The following KLHL36 variants were observed in gnomAD, a reference collection of about 807,000 sequenced individuals.
KLHL36 encodes kelch like family member 36, also known as kelch-like protein 36.
A neutral mutation model predicts 53.3 loss-of-function variants in KLHL36; 35 were observed. That is an observed-to-expected ratio of 0.66 (90% CI 0.50 to 0.87). The LOEUF is 0.87. KLHL36 is among the 40% of genes least tolerant of loss of function. The pLI, the probability that KLHL36 is intolerant of heterozygous loss-of-function variation, is 0.00. For missense variants in KLHL36, 864 were observed against 897.6 expected, an observed-to-expected ratio of 0.96 and a Z score of 0.48; for synonymous variants, 472 against 398.9, an observed-to-expected ratio of 1.18 and a Z score of -2.18.
At chr16:84,655,940 T>G (rs1907175140) in intron 2 of KLHL36, among the ~76,000 whole-genome samples, 1 of 151,200 alleles carries the variant, frequency 6.6e-6, no homozygotes. Context: ...TCGTCCAGGC[T>G]GGAGTGCAGT....
Position 84,648,837 on chromosome 16 carries a change from C to T in KLHL36, c.-17+188C>T, listed in dbSNP as rs536612089. On this transcript the variant is annotated intron_variant, in intron 1 of 4. Coordinates refer to ENST00000564996, the MANE Select transcript of KLHL36 (RefSeq NM_024731.4). This position sits in a 1 kb window ranked among gnomAD's most constrained non-coding sequence, Gnocchi z 4.9. The stretch of plus-strand genomic sequence containing the variant: ...CCGCGGCCGGGGGAGGGGCCGCCGC[C>T]CCCGCAGGTGACACAGGTGCGGCCT... The T allele has an allele frequency of 2.8e-4, 42 of 150,906 alleles. No individual in the cohort carries two copies. Among genetic ancestry groups the T allele is most frequent in the African/African-American group, 9.4e-4 (39 of 41,364 alleles). The allele number at this position is 150,906 out of a possible 1,614,324, so 9.3% of individuals were successfully genotyped here. A position where few individuals can be genotyped will look rare whatever the true frequency, so the allele number is the denominator to read the frequency against.
intron 2 of KLHL36, among the ~76,000 whole-genome samples, chr16:84,655,116 C>T (rs752108575): frequency 2.6e-5 from 4 of 152,182 alleles, no homozygotes; most frequent in Admixed American, 1.3e-4. Flanking sequence ...AATGGAAGAG[C>T]GGGAGAGCCC....
intron 2 of KLHL36, among the ~76,000 whole-genome samples, chr16:84,654,474 C>G (rs1026040849): frequency 3.3e-5 from 5 of 152,204 alleles, no homozygotes; most frequent in African/African-American, 1.2e-4. Context: ...GTAGTGAGAC[C>G]CCATTTCTAC....
In KLHL36 at chr16:84,661,976, T is replaced by A. The variant is rs1270212432; in HGVS notation, c.1694T>A (p.Val565Glu). 1.3e-6 allele frequency: 2 copies of A among 1,598,916 alleles called. No homozygotes were observed. The highest frequency in any genetic ancestry group is 3.5e-5 in the Admixed American group (2 of 56,760). ...GAGAACACTGCCTTCTCCAAGACCG[T>A]GCAGGTGTACGACCGCGAGGCCGAC... ...SWENTAFSKT[V>E]QVYDREADKW... Residue 565 changes from valine to glutamate, a missense_variant, in exon 5 of 5, where the codon GTG (valine) becomes GAG (glutamate). By Grantham distance (121) the Val-to-Glu change is moderately radical (BLOSUM62 -2). Coordinates refer to ENST00000564996, the MANE Select transcript of KLHL36 (RefSeq NM_024731.4). The surrounding 1 kb of genome is among the most constrained non-coding windows in gnomAD (Gnocchi z 7.9).
intron 3 of KLHL36, 72 bp from the exon 4 acceptor site, chr16:84,659,688 G>A: frequency 2.0e-6 from 3 of 1,487,938 alleles, no homozygotes; most frequent in South Asian, 2.4e-5. Flanking sequence ...ACACATTTGG[G>A]AACCGCAGCG....
In KLHL36 at chr16:84,661,987, G is replaced by C; in HGVS notation, c.1705G>C (p.Asp569His). The C allele has an allele frequency of 6.3e-7, 1 of 1,596,232 alleles. No homozygotes were observed. Among genetic ancestry groups the C allele is most frequent in the Non-Finnish European group, 8.5e-7 (1 of 1,172,870 alleles). The change falls in exon 5 of 5, where the codon GAC (aspartate) becomes CAC (histidine). Residue 569 changes from aspartate (D) to histidine (H), a missense_variant. Coordinates refer to ENST00000564996, the MANE Select transcript of KLHL36 (RefSeq NM_024731.4). This position sits in a 1 kb window ranked among gnomAD's most constrained non-coding sequence, Gnocchi z 7.9. ...TAFSKTVQVY[D>H]READKWSRGV... is the part of the protein sequence containing the mutation. ...CTTCTCCAAGACCGTGCAGGTGTAC[G>C]ACCGCGAGGCCGACAAGTGGAGCAG... is the stretch of plus-strand genomic sequence containing the variant.
rs1342452316 is a variant in KLHL36 at position 84,661,727 on chromosome 16, C to T, written c.1445C>T (p.Ala482Val). Residue 482 changes from alanine (A) to valine (V), a missense_variant, in exon 5 of 5, where the codon GCG becomes GTG. Physicochemically the swap from Ala to Val is moderately conservative, Grantham distance 64. Transcript: ENST00000564996. The surrounding 1 kb of genome is among the most constrained non-coding windows in gnomAD (Gnocchi z 7.9). ...GAGGAGCGGCGGCCCATGACCACGG[C>T]GCGCGGCTGGCACAGCATGTGCAGC... ...VWEERRPMTT[A>V]RGWHSMCSLG... The T allele has an allele frequency of 1.9e-6, 3 of 1,613,268 alleles. No homozygotes were observed. Among genetic ancestry groups the T allele is most frequent in the Non-Finnish European group, 2.5e-6 (3 of 1,179,950 alleles).
At chr16:84,650,506 G>C (rs1906799306) in intron 1 of KLHL36, among the ~76,000 whole-genome samples, 1 of 152,152 alleles carries the variant, frequency 6.6e-6, no homozygotes, top group Non-Finnish European at 1.5e-5. Context: ...GCACACTTAA[G>C]TCACTTAGCT....
In KLHL36 at chr16:84,665,689, G is replaced by A. The variant is rs1268086306; in HGVS notation, c.*3556G>A. On this transcript the variant is annotated 3_prime_UTR_variant, in exon 5 of 5. Coordinates refer to ENST00000564996, the MANE Select transcript of KLHL36 (RefSeq NM_024731.4). ...CACCCTAAGGGGTGTTCACCTTTGA[G>A]GTGGGCATCCAGATGCTGAGGGGAA... The A allele has an allele frequency of 6.6e-6, 1 of 152,290 alleles. No homozygotes were observed. The highest frequency in any genetic ancestry group is 1.5e-5 in the Non-Finnish European group (1 of 68,100). 9.4% of individuals were successfully genotyped at this position (152,290 alleles called of 1,614,324 possible). A position where few individuals can be genotyped will look rare whatever the true frequency, so the allele number is the denominator to read the frequency against.
intron 3 of KLHL36, chr16:84,659,516 T>C: frequency 2.1e-6 from 1 of 481,386 alleles, no homozygotes; most frequent in African/African-American, 1.9e-5. Flanking sequence ...TCAGAGCATC[T>C]CCATCCCCCT....
Position 84,661,973 on chromosome 16 carries a change from C to G in KLHL36, c.1691C>G (p.Thr564Ser). ...YSWENTAFSK[T>S]VQVYDREADK... The stretch of plus-strand genomic sequence containing the variant: ...TGGGAGAACACTGCCTTCTCCAAGA[C>G]CGTGCAGGTGTACGACCGCGAGGCC... The change falls in exon 5 of 5, where the codon ACC (threonine) becomes AGC (serine). Residue 564 changes from threonine (T) to serine (S), a missense_variant. Coordinates refer to ENST00000564996, the MANE Select transcript of KLHL36 (RefSeq NM_024731.4). The surrounding 1 kb of genome is among the most constrained non-coding windows in gnomAD (Gnocchi z 7.9). The G allele has an allele frequency of 1.3e-6, 2 of 1,599,248 alleles. No homozygotes were observed. Among genetic ancestry groups the G allele is most frequent in the Non-Finnish European group, 8.5e-7 (1 of 1,174,156 alleles).
intron 2 of KLHL36, 92 bp from the exon 3 acceptor site, chr16:84,656,779 T>C (rs1907226099): frequency 1.2e-6 from 1 of 851,580 alleles, no homozygotes; most frequent in Non-Finnish European, 1.8e-6. Flanking sequence ...TTCTTCAGTT[T>C]CATTTTGTTG....
At chr16:84,656,834 G>A in intron 2 of KLHL36, 37 bp from the exon 3 acceptor site, 1 of 1,526,276 alleles carries the variant, frequency 6.6e-7, no homozygotes, top group Non-Finnish European at 8.9e-7. Flanking sequence ...GGCCGAGCAG[G>A]CTGCTGCGCC....
At position 84,657,533 on chromosome 16, in the gene KLHL36, G is replaced by A; in HGVS notation, c.726G>A (p.Lys242=). The A allele has an allele frequency of 6.2e-7, 1 of 1,610,170 alleles. No individual in the cohort carries two copies. The highest frequency in any genetic ancestry group is 8.5e-7 in the Non-Finnish European group (1 of 1,179,894). Residue 242 remains lysine, a synonymous_variant, in exon 3 of 5, where the codon AAG becomes AAA. Coordinates refer to ENST00000564996, the MANE Select transcript of KLHL36 (RefSeq NM_024731.4). ...ACATCCACTTCCCGCTCATCCCCAA[G>A]AACGACCTGCTGCACCGCGTCAAGC... ...LENIHFPLIP[K]NDLLHRVKPA...
In KLHL36 at chr16:84,662,112, G is replaced by A. The variant is rs1221728734; in HGVS notation, c.1830G>A (p.Arg610=). The A allele has an allele frequency of 1.9e-6, 3 of 1,555,098 alleles. No individual in the cohort carries two copies. The highest frequency in any genetic ancestry group is 2.6e-6 in the Non-Finnish European group (3 of 1,148,672). The change falls in exon 5 of 5, where the codon AGG becomes AGA. Residue 610 remains arginine, a synonymous_variant. Transcript: ENST00000564996. The part of the protein sequence containing the change: ...EDKKKKGKGK[R]HQDRGQ ...AGAAGAAGAAAGGCAAAGGCAAGAG[G>A]CACCAGGACCGGGGCCAGTGACCCT... is the stretch of plus-strand genomic sequence containing the variant.
Position 84,663,229 on chromosome 16 carries a change from C to A in KLHL36, c.*1096C>A, listed in dbSNP as rs1020383120. The stretch of plus-strand genomic sequence containing the variant: ...TGCTGGGCAAATTCTCGAACAAGTC[C>A]GTGTGTTCCCTCATCCACCCCGCTT... On this transcript the variant is annotated 3_prime_UTR_variant, in exon 5 of 5. Coordinates refer to ENST00000564996, the MANE Select transcript of KLHL36 (RefSeq NM_024731.4). The A allele has an allele frequency of 6.6e-6, 1 of 152,202 alleles. No individual in the cohort carries two copies. The highest frequency in any genetic ancestry group is 1.5e-5 in the Non-Finnish European group (1 of 68,066). The allele number at this position is 152,202 out of a possible 1,614,324, so 9.4% of individuals were successfully genotyped here.
Position 84,661,560 on chromosome 16 carries a change from T to C in KLHL36, c.1296-18T>C. ...CAGCCCTGAGCTCTCCCTCTGTCTC[T>C]GCCCGTCGACCCTGCAGGTTCACGT... is the stretch of plus-strand genomic sequence containing the variant. On this transcript the variant is annotated intron_variant, in intron 4 of 4. Coordinates refer to ENST00000564996, the MANE Select transcript of KLHL36 (RefSeq NM_024731.4). The surrounding 1 kb of genome is among the most constrained non-coding windows in gnomAD (Gnocchi z 7.9). 1 of 1,558,132 alleles carries C rather than the reference T, an allele frequency of 6.4e-7. No individual in the cohort carries two copies. Among genetic ancestry groups the C allele is most frequent in the Non-Finnish European group, 8.7e-7 (1 of 1,148,198 alleles).
In KLHL36 at chr16:84,664,532, G is replaced by A. The variant is rs1446192408; in HGVS notation, c.*2399G>A. On this transcript the variant is annotated 3_prime_UTR_variant, in exon 5 of 5. Coordinates refer to ENST00000564996, the MANE Select transcript of KLHL36 (RefSeq NM_024731.4). ...CGTCCTGCGCTTCATATTTTGTGGT[G>A]TCTCTCCTGATACTATGAAGGTGGT... The A allele has an allele frequency of 1.3e-5, 2 of 152,134 alleles. No homozygotes were observed. Among genetic ancestry groups the A allele is most frequent in the Non-Finnish European group, 2.9e-5 (2 of 68,028 alleles). 9.4% of individuals were successfully genotyped at this position (152,134 alleles called of 1,614,324 possible).
rs1907561773 is a variant in KLHL36 at position 84,661,710 on chromosome 16, G to A, written c.1428G>A (p.Arg476=). Residue 476 remains arginine, a synonymous_variant, in exon 5 of 5, where the codon CGG becomes CGA. Coordinates refer to ENST00000564996, the MANE Select transcript of KLHL36 (RefSeq NM_024731.4). This position sits in a 1 kb window ranked among gnomAD's most constrained non-coding sequence, Gnocchi z 7.9. ...YDHRTDVWEE[R]RPMTTARGWH... is the part of the protein sequence containing the mutation. ...ACCGGACAGACGTGTGGGAGGAGCG[G>A]CGGCCCATGACCACGGCGCGCGGCT... is the stretch of plus-strand genomic sequence containing the variant. The A allele has an allele frequency of 6.2e-7, 1 of 1,613,638 alleles. No homozygotes were observed. The highest frequency in any genetic ancestry group is 8.5e-7 in the Non-Finnish European group (1 of 1,180,002).
Sources: allele counts gnomAD v4.1 joint callset (sites outside exome capture counted in the v4.1 genomes callset), GRCh38; gene constraint gnomAD v4.1.1; non-coding constraint Gnocchi (gnomAD v3.1); transcripts MANE v1.5; gene names NCBI Gene and HGNC (gene_info 2026-07-23, HGNC 2026-07-21).